MAP2: variants seen among roughly 807,000 people sequenced by gnomAD.
MAP2 encodes microtubule associated protein 2.
A neutral mutation model predicts 137.6 loss-of-function variants in MAP2; 14 were observed. The ratio of observed to expected loss-of-function variants is 0.10; its 90% CI spans 0.07 to 0.16. MAP2 has a LOEUF of 0.16. Ranked by LOEUF, MAP2 falls within the 10% of genes least tolerant of loss-of-function variation. The pLI is 1.00. For missense variants in MAP2, 2,088 were observed against 2,191.5 expected (o/e 0.95, Z 0.94); for synonymous variants, 786 against 782.3 (o/e 1.00, Z -0.08).
At chr2:209,618,286 G>C (rs541335247) in intron 3 of MAP2, among the ~76,000 whole-genome samples, 1 of 152,192 alleles carries the variant, frequency 6.6e-6, no homozygotes, top group East Asian at 1.9e-4. Context: ...GAATTAATAG[G>C]TCTGCAAAAG....
At chr2:209,611,473 T>C (rs1291937483) in intron 3 of MAP2, among the ~76,000 whole-genome samples, 4 of 151,746 alleles carry the variant, frequency 2.6e-5, no homozygotes, top group Non-Finnish European at 5.9e-5. Flanking sequence ...TGAAAAAATA[T>C]ATATATAATA....
rs1410329590 is a variant in MAP2 at position 209,693,376 on chromosome 2, T to C, written c.1206T>C (p.His402=). The change falls in exon 8 of 16, where the codon CAT becomes CAC. Residue 402 remains histidine, a synonymous_variant. Coordinates refer to ENST00000682079, the MANE Select transcript of MAP2 (RefSeq NM_001375505.1). The part of the protein sequence containing the change: ...KDAHIPVVEE[H]VMGKVLEEEK... Reference sequence around the variant, plus strand: ...CTCACATTCCAGTTGTAGAAGAACATGTTATGGGGAAAGTTTTAGAGGAAG... The same window carrying C: ...CTCACATTCCAGTTGTAGAAGAACACGTTATGGGGAAAGTTTTAGAGGAAG... The C allele has an allele frequency of 1.9e-6, 3 of 1,611,564 alleles. No homozygotes were observed. The highest frequency in any genetic ancestry group is 8.5e-7 in the Non-Finnish European group (1 of 1,179,460).
Position 209,653,241 on chromosome 2 carries a change from C to A in MAP2, c.71C>A (p.Ala24Glu), listed in dbSNP as rs1211612973. 35 of 1,613,952 alleles carry A rather than the reference C, an allele frequency of 2.2e-5. No individual in the cohort carries two copies. Among genetic ancestry groups the A allele is most frequent in the Non-Finnish European group, 2.9e-5 (34 of 1,180,008 alleles). Residue 24 changes from alanine to glutamate, a missense_variant, in exon 5 of 16, where the codon GCA (alanine) becomes GAA (glutamate). By Grantham distance (107) the Ala-to-Glu change is moderately radical. This residue lies in a region of MAP2 where 859 missense variants were observed against 794.5 expected (regional missense o/e 1.08). Coordinates refer to ENST00000682079, the MANE Select transcript of MAP2 (RefSeq NM_001375505.1). ...WTSAPLTEAS[A>E]HSHPPEIKDQ... is the part of the protein sequence containing the mutation. Reference sequence around the variant, plus strand: ...TCAGCACCGCTAACAGAGGCATCTGCACACTCACATCCACCTGAGATTAAG... The same window carrying A: ...TCAGCACCGCTAACAGAGGCATCTGAACACTCACATCCACCTGAGATTAAG...
intron 1 of MAP2, among the ~76,000 whole-genome samples, chr2:209,440,603 A>G (rs1697518200): frequency 6.6e-6 from 1 of 151,526 alleles, no homozygotes; most frequent in Non-Finnish European, 1.5e-5. Flanking sequence ...CAGTCATCTT[A>G]GCTACCTGTT....
chr2:209,607,838 GC>G (rs913649259), intron 3 of MAP2, among the ~76,000 whole-genome samples: 2 of 152,158 alleles, frequency 1.3e-5, no homozygotes, highest in Admixed American at 1.3e-4. Flanking sequence ...AATTCTGAAA[GC>G]CCCAGTCTTA....
intron 7 of MAP2, among the ~76,000 whole-genome samples, chr2:209,691,619 T>A (rs933571987): frequency 2.0e-5 from 3 of 152,206 alleles, no homozygotes; most frequent in African/African-American, 4.8e-5. Context: ...TGAACTACTT[T>A]GACCTTAAAA....
intron 2 of MAP2, chr2:209,579,374 T>A (rs527255946): frequency 6.6e-6 from 1 of 152,206 alleles, no homozygotes; most frequent in South Asian, 2.1e-4. Flanking sequence ...CACACTTGGA[T>A]GGAGGCAATT....
At chr2:209,661,523 T>C (rs3768833) in intron 5 of MAP2, 115,345 of 985,122 alleles carry the variant, frequency 0.12, 9,823 homozygotes, top group African/African-American at 0.42. Context: ...CTGCAGAAAA[T>C]CACACAGCCT....
chr2:209,514,200 A>AATC (rs2062135139), intron 2 of MAP2, among the ~76,000 whole-genome samples: 1 of 152,144 alleles, frequency 6.6e-6, no homozygotes, highest in Non-Finnish European at 1.5e-5. Flanking sequence ...AAAGATATTA[A>AATC]TATACTATGC....
chr2:209,485,196 T>C (rs1295668017), intron 1 of MAP2, among the ~76,000 whole-genome samples: 2 of 152,212 alleles, frequency 1.3e-5, no homozygotes, highest in Non-Finnish European at 2.9e-5. Context: ...TGAGTCACAT[T>C]GGGCAGCGTT....
chr2:209,585,885 C>T (rs1329983145), intron 3 of MAP2, among the ~76,000 whole-genome samples: 2 of 152,160 alleles, frequency 1.3e-5, no homozygotes, highest in Non-Finnish European at 2.9e-5. Context: ...TCTGAGATTA[C>T]ATTAGCACCT....
At chr2:209,610,688 G>A (rs1264836730) in intron 3 of MAP2, among the ~76,000 whole-genome samples, 5 of 151,960 alleles carry the variant, frequency 3.3e-5, no homozygotes, top group South Asian at 2.1e-4. Flanking sequence ...GTTCTCCTAC[G>A]GAATAAGCAA....
intron 4 of MAP2, among the ~76,000 whole-genome samples, chr2:209,630,189 C>T (rs895826555): frequency 5.3e-5 from 8 of 152,084 alleles, no homozygotes; most frequent in African/African-American, 1.9e-4. Flanking sequence ...TGCTGAGGGA[C>T]CTCATAATCC....
At chr2:209,595,731 T>TATATATACCACCACA (rs2081090457) in intron 3 of MAP2, among the ~76,000 whole-genome samples, 2 of 152,124 alleles carry the variant, frequency 1.3e-5, no homozygotes, top group South Asian at 4.1e-4. Context: ...ATAGACTGGA[T>TATATATACCACCACA]TAAGAAAATG....
Position 209,424,234 on chromosome 2 carries a change from G to C in MAP2, c.-264G>C, listed in dbSNP as rs1229410386. On this transcript the variant is annotated 5_prime_UTR_variant, in exon 1 of 16. Coordinates refer to ENST00000682079, the MANE Select transcript of MAP2 (RefSeq NM_001375505.1). The stretch of plus-strand genomic sequence containing the variant: ...TCCGGAGGGCGCTAAGTCCGTGAGC[G>C]GTGGCAGTCGCGACCGCGGGTGCAT... 6.6e-6 allele frequency: 1 copy of C among 152,332 alleles called. No homozygotes were observed. Among genetic ancestry groups the C allele is most frequent in the Non-Finnish European group, 1.5e-5 (1 of 68,230 alleles). The allele number at this position is 152,332 out of a possible 1,614,324, so 9.4% of individuals were successfully genotyped here.
At chr2:209,614,139 T>G (rs957677141) in intron 3 of MAP2, among the ~76,000 whole-genome samples, 3 of 152,058 alleles carry the variant, frequency 2.0e-5, no homozygotes, top group Admixed American at 1.3e-4. Flanking sequence ...TCCTCCTGTG[T>G]TGATTTCTGC....
chr2:209,587,371 A>AT (rs34344578), intron 3 of MAP2, among the ~76,000 whole-genome samples: 1,861 of 151,126 alleles, frequency 0.012, 24 homozygotes, highest in African/African-American at 0.033. Flanking sequence ...TCAGGAAAGC[A>AT]TTTTTTTTTC....
intron 11 of MAP2, among the ~76,000 whole-genome samples, chr2:209,702,240 G>C (rs1005189666): frequency 1.3e-5 from 2 of 151,908 alleles, no homozygotes; most frequent in African/African-American, 4.8e-5. Context: ...AGAACCATAG[G>C]CATCGTCTGA....
At chr2:209,558,160 C>A (rs560155780) in intron 2 of MAP2, among the ~76,000 whole-genome samples, 59 of 152,172 alleles carry the variant, frequency 3.9e-4, no homozygotes, top group African/African-American at 1.3e-3. Flanking sequence ...CATATATCTA[C>A]ATAAACACAC....
Sources: gnomAD v4.1 joint callset for allele counts (sites outside exome capture counted in the v4.1 genomes callset) on GRCh38, gnomAD v4.1.1 for gene constraint, gnomAD v4.1.1 regional missense constraint, MANE v1.5 for transcripts, NCBI Gene and HGNC (gene_info 2026-07-23, HGNC 2026-07-21) for gene names.